Variants in ZNF385D observed in about 807,000 individuals in gnomAD.
ZNF385D encodes the protein zinc finger protein 385D.
A neutral mutation model predicts 35.8 loss-of-function variants in ZNF385D; 15 were observed. That is an observed-to-expected ratio of 0.42 (90% confidence interval 0.28 to 0.64). The LOEUF (loss-of-function observed/expected upper bound fraction) is 0.64, where lower values mean the gene tolerates loss of function less well. Ranked by LOEUF, ZNF385D falls within the 30% of genes least tolerant of loss-of-function variation. The pLI is 0.23. For missense variants in ZNF385D, 474 were observed against 494.6 expected (o/e 0.96, Z 0.39); for synonymous variants, 212 against 186.8 (o/e 1.13, Z -1.10).
chr3:21,876,360 T>C (rs1381108473), intron 3 of ZNF385D, among the ~76,000 whole-genome samples: 2 of 151,676 alleles, frequency 1.3e-5, no homozygotes, highest in African/African-American at 4.8e-5. Flanking sequence ...GATATAATCA[T>C]TTTGGGATGA....
At chr3:22,279,868 T>C (rs187013580) in intron 2 of ZNF385D, among the ~76,000 whole-genome samples, 167 of 152,154 alleles carry the variant, frequency 1.1e-3, no homozygotes, top group African/African-American at 3.8e-3. Context: ...CCACACTGTT[T>C]TCCACAGTGG....
chr3:22,262,776 A>T (rs1360225176), intron 2 of ZNF385D, among the ~76,000 whole-genome samples: 1 of 151,892 alleles, frequency 6.6e-6, no homozygotes, highest in African/African-American at 2.4e-5. Flanking sequence ...AAAAAAGATA[A>T]TTGAGGTAAA....
intron 2 of ZNF385D, among the ~76,000 whole-genome samples, chr3:21,581,666 A>G (rs1189901095): frequency 6.6e-6 from 1 of 152,206 alleles, no homozygotes; most frequent in Non-Finnish European, 1.5e-5. Context: ...TTTGTAGAAG[A>G]ATTGCATTGT....
chr3:21,974,180 A>G (rs1264303194), intron 3 of ZNF385D, among the ~76,000 whole-genome samples: 2 of 152,138 alleles, frequency 1.3e-5, no homozygotes, highest in Non-Finnish European at 1.5e-5. Context: ...ATTATGCGAC[A>G]GAGATAATGT....
intron 3 of ZNF385D, among the ~76,000 whole-genome samples, chr3:21,845,422 C>T (rs1454066500): frequency 6.6e-6 from 1 of 151,980 alleles, no homozygotes; most frequent in Non-Finnish European, 1.5e-5. Flanking sequence ...CTCTTCTTCT[C>T]CTTCTCTTTC....
chr3:21,585,785 G>A (rs909518780), intron 2 of ZNF385D, among the ~76,000 whole-genome samples: 1 of 152,244 alleles, frequency 6.6e-6, no homozygotes, highest in South Asian at 2.1e-4. Context: ...ATCCACAAAG[G>A]AATACATTAA....
intron 3 of ZNF385D, among the ~76,000 whole-genome samples, chr3:21,963,175 C>T (rs2125322956): frequency 6.6e-6 from 1 of 152,270 alleles, no homozygotes; most frequent in East Asian, 1.9e-4. Flanking sequence ...AAAGCTGAAG[C>T]AAACCGGATG....
At chr3:21,516,564 C>G (rs994315545) in intron 3 of ZNF385D, among the ~76,000 whole-genome samples, 7 of 152,234 alleles carry the variant, frequency 4.6e-5, no homozygotes, top group Non-Finnish European at 7.4e-5. Flanking sequence ...ACACGTTACT[C>G]TTGTTTATAG....
At chr3:22,185,815 C>G (rs1324272155) in intron 2 of ZNF385D, among the ~76,000 whole-genome samples, 3 of 152,006 alleles carry the variant, frequency 2.0e-5, no homozygotes, top group Admixed American at 1.3e-4. Flanking sequence ...GGAAAAGCAC[C>G]CTGGGGAGAA....
chr3:22,059,613 C>T (rs1481474300), intron 3 of ZNF385D, among the ~76,000 whole-genome samples: 1 of 152,104 alleles, frequency 6.6e-6, no homozygotes, highest in Admixed American at 6.5e-5. Context: ...CCCTTAAGAC[C>T]CTTCATCAGC....
rs181380831 is a variant in ZNF385D at position 22,341,239 on chromosome 3, T to C, written c.106+31211A>G. Among the ~76,000 whole-genome samples, 55 of 152,356 alleles carry C rather than the reference T, an allele frequency of 3.6e-4. 1 individual carries two copies. Among genetic ancestry groups the C allele is most frequent in the African/African-American group, 1.3e-3 (53 of 41,580 alleles). ...TTAACATATTATAATAATGCTTTTATCTGCATCAGAAGGACACAAATTAGA... is the reference window on the plus strand; with the variant it reads ...TTAACATATTATAATAATGCTTTTACCTGCATCAGAAGGACACAAATTAGA... On this transcript the variant is annotated intron_variant, in intron 2 of 5. Coordinates refer to the ZNF385D transcript ENST00000494108.
intron 4 of ZNF385D, among the ~76,000 whole-genome samples, chr3:21,490,199 T>G (rs1705326832): frequency 1.3e-5 from 2 of 152,254 alleles, no homozygotes; most frequent in Non-Finnish European, 2.9e-5. Flanking sequence ...GGTGTCTAAC[T>G]CTGCCACTAA....
chr3:22,058,948 T>C (rs1268375043), intron 3 of ZNF385D, among the ~76,000 whole-genome samples: 3 of 152,180 alleles, frequency 2.0e-5, no homozygotes, highest in African/African-American at 7.2e-5. Flanking sequence ...TCAGGAATAT[T>C]TACTAGCTAA....
upstream of ZNF385D, among the ~76,000 whole-genome samples, chr3:21,754,307 G>A (rs1030563716): frequency 2.6e-5 from 4 of 152,118 alleles, no homozygotes; most frequent in African/African-American, 7.2e-5. Context: ...AGCTTCTAGG[G>A]AAGAATCTGG....
intron 3 of ZNF385D, among the ~76,000 whole-genome samples, chr3:21,977,025 T>C (rs1022180021): frequency 2.6e-5 from 4 of 152,062 alleles, no homozygotes; most frequent in Non-Finnish European, 4.4e-5. Flanking sequence ...CACTGCTACA[T>C]ATAACAACAT....
intron 2 of ZNF385D, among the ~76,000 whole-genome samples, chr3:21,586,525 A>G (rs1222986804): frequency 2.0e-5 from 3 of 152,286 alleles, no homozygotes; most frequent in Admixed American, 6.5e-5. Flanking sequence ...TATTGATTGT[A>G]GAGAGATTAG....
chr3:21,450,678 A>C (rs533893279), intron 4 of ZNF385D, among the ~76,000 whole-genome samples: 1 of 152,306 alleles, frequency 6.6e-6, no homozygotes, highest in Admixed American at 6.5e-5. Context: ...AGATAATTCA[A>C]GCGCACACAT....
At chr3:21,825,208 G>A (rs988536793) in intron 3 of ZNF385D, among the ~76,000 whole-genome samples, 1 of 152,170 alleles carries the variant, frequency 6.6e-6, no homozygotes, top group African/African-American at 2.4e-5. Context: ...ACCAAACAGT[G>A]TTCTAAAATG....
chr3:22,018,391 T>C (rs1461633858), intron 3 of ZNF385D, among the ~76,000 whole-genome samples: 1 of 151,984 alleles, frequency 6.6e-6, no homozygotes, highest in Admixed American at 6.6e-5. Context: ...TTATCTTGCT[T>C]TACATCTTTG....
Sources: gnomAD v4.1 joint callset for allele counts (sites outside exome capture counted in the v4.1 genomes callset) on GRCh38, gnomAD v4.1.1 for gene constraint, MANE v1.5 for transcripts, NCBI Gene and HGNC (gene_info 2026-07-23, HGNC 2026-07-21) for gene names.